USP34: variants seen among roughly 807,000 people sequenced by gnomAD.
The protein encoded by USP34 is ubiquitin carboxyl-terminal hydrolase 34.
A neutral mutation model predicts 460.3 loss-of-function variants in USP34; 70 were observed. That is an observed-to-expected ratio of 0.15 (90% confidence interval 0.13 to 0.19). USP34 has a LOEUF of 0.19. Ranked by LOEUF, USP34 falls within the 10% of genes least tolerant of loss-of-function variation. USP34 has a pLI of 1.00. For missense variants in USP34, 3,985 were observed against 4,236.2 expected (o/e 0.94, Z 1.65); for synonymous variants, 1,647 against 1,405.3 (o/e 1.17, Z -3.85).
At chr2:61,228,251 T>C (rs909394765) in intron 61 of USP34, among the ~76,000 whole-genome samples, 4 of 152,230 alleles carry the variant, frequency 2.6e-5, no homozygotes, top group African/African-American at 7.2e-5. Context: ...ACAAAACTGA[T>C]GTAATACTTT....
chr2:61,348,706 C>G, intron 14 of USP34, 50 bp downstream of exon 14: 3 of 1,577,960 alleles, frequency 1.9e-6, no homozygotes, highest in Non-Finnish European at 2.6e-6. Flanking sequence ...ATGATAAACA[C>G]GCCAGAAAGC....
intron 7 of USP34, 98 bp downstream of exon 7, chr2:61,380,071 C>T: frequency 1.0e-6 from 1 of 992,024 alleles, no homozygotes; most frequent in South Asian, 1.9e-5. Flanking sequence ...ATACTTAGCA[C>T]AATGCCTAGT....
intron 27 of USP34, among the ~76,000 whole-genome samples, chr2:61,306,105 CT>C (rs11448621): frequency 4.0e-5 from 6 of 151,890 alleles, no homozygotes; most frequent in Admixed American, 1.3e-4. Flanking sequence ...TCTATTTTGG[CT>C]TTGTTGCCAT....
At chr2:61,420,565 T>C (rs180838063) in intron 2 of USP34, among the ~76,000 whole-genome samples, 181 bp downstream of exon 2, 116 of 152,314 alleles carry the variant, frequency 7.6e-4, no homozygotes, top group African/African-American at 2.7e-3. Flanking sequence ...TTTATGCCCA[T>C]GTTTTAAAAA....
At chr2:61,401,611 C>T (rs1486312837) in intron 3 of USP34, among the ~76,000 whole-genome samples, 2 of 132,700 alleles carry the variant, frequency 1.5e-5, no homozygotes, top group African/African-American at 5.7e-5. Flanking sequence ...TGCAGTGGCA[C>T]GATCTCAGCT....
At position 61,189,079 on chromosome 2, in the gene USP34, C is replaced by T. The variant is rs1686539956; in HGVS notation, c.9874-10G>A. 1.9e-6 allele frequency: 3 copies of T among 1,607,160 alleles called. No homozygotes were observed. The Admixed American group carries it at 5.1e-5, about 28-fold the overall frequency. ...CGAGTGCCCTCAGGTCCTACAAAAA[C>T]CCAGATAGGAACATTTCAAATTCTA... On this transcript the variant is annotated splice_polypyrimidine_tract_variant and intron_variant, in intron 78 of 79. Coordinates refer to ENST00000398571, the MANE Select transcript of USP34 (RefSeq NM_014709.4).
chr2:61,264,979 T>A (rs1224309621), intron 43 of USP34, among the ~76,000 whole-genome samples: 3 of 152,212 alleles, frequency 2.0e-5, no homozygotes, highest in African/African-American at 7.2e-5. Flanking sequence ...TTGATTCACT[T>A]TGGGATAAAT....
chr2:61,378,313 A>G lies in USP34; in HGVS notation c.1076+50T>C, dbSNP rs752546824. ...AAAATTAGAATTTACCATATAAACA[A>G]CTGTACATTAAAATGGTATACTTAT... On this transcript the variant is annotated intron_variant, in intron 8 of 79. Transcript: ENST00000398571. The G allele has an allele frequency of 2.1e-5, 28 of 1,310,780 alleles. No homozygotes were observed. In the Admixed American group the frequency reaches 6.4e-4, roughly 30 times the overall value. 81.2% of individuals were successfully genotyped at this position (1,310,780 alleles called of 1,614,324 possible).
In USP34 at chr2:61,206,138, A is replaced by G. The variant is rs749978960; in HGVS notation, c.9047-14T>C. The G allele has an allele frequency of 1.2e-6, 2 of 1,606,526 alleles. No homozygotes were observed. The highest frequency in any genetic ancestry group is 2.7e-5 in the African/African-American group (2 of 74,880). On this transcript the variant is annotated splice_polypyrimidine_tract_variant and intron_variant, in intron 71 of 79. Transcript: ENST00000398571. ...CTTGTTTCACATCTGCAAATATAAA[A>G]GCACATATAAATATGCCATCTGAGA... is the stretch of plus-strand genomic sequence containing the variant.
chr2:61,210,489 G>C (rs145017562), intron 69 of USP34, among the ~76,000 whole-genome samples: 1 of 152,282 alleles, frequency 6.6e-6, no homozygotes, highest in East Asian at 1.9e-4. Context: ...CTAGTTGTGT[G>C]TGAGTAGTCA....
In USP34 at chr2:61,311,792, G is replaced by T; in HGVS notation, c.3661C>A (p.Pro1221Thr). The T allele has an allele frequency of 1.9e-6, 3 of 1,613,556 alleles. No homozygotes were observed. The highest frequency in any genetic ancestry group is 2.5e-6 in the Non-Finnish European group (3 of 1,179,840). ...LRVVCQPAGL[P>T]DKMTIEMYPS... ...TAAAACTATGTAAGTACCTTGTCAG[G>T]AAGTCCAGCTGGCTGGCATACAACC... is the stretch of plus-strand genomic sequence containing the variant. The change falls in exon 26 of 80, where the codon CCT (proline) becomes ACT (threonine). Residue 1221 changes from proline to threonine, a missense_variant. Coordinates refer to ENST00000398571, the MANE Select transcript of USP34 (RefSeq NM_014709.4).
chr2:61,257,822 C>T (rs1321740563), intron 44 of USP34, among the ~76,000 whole-genome samples: 1 of 152,112 alleles, frequency 6.6e-6, no homozygotes, highest in African/African-American at 2.4e-5. Context: ...TTGCAGTGAG[C>T]CGAGATCGTG....
At chr2:61,199,457 T>C (rs997272001) in intron 75 of USP34, among the ~76,000 whole-genome samples, 1 of 152,228 alleles carries the variant, frequency 6.6e-6, no homozygotes, top group African/African-American at 2.4e-5. Flanking sequence ...GGTTTTGCCA[T>C]GTAGGCTAGG....
intron 23 of USP34, 36 bp downstream of exon 23, chr2:61,317,618 A>G (rs758387838): frequency 6.5e-7 from 1 of 1,533,788 alleles, no homozygotes; most frequent in Admixed American, 1.8e-5. Flanking sequence ...AATTTGAGGA[A>G]TAAAGTTGCC....
chr2:61,260,083 C>CTTCA (rs138004088), intron 43 of USP34, among the ~76,000 whole-genome samples: 1,763 of 152,300 alleles, frequency 0.012, 28 homozygotes, highest in African/African-American at 0.041. Flanking sequence ...ATGAAAAACA[C>CTTCA]TTCAGGTGCA....
intron 10 of USP34, among the ~76,000 whole-genome samples, chr2:61,364,774 C>G (rs1218156382): frequency 6.6e-6 from 1 of 151,656 alleles, no homozygotes; most frequent in Admixed American, 6.6e-5. Flanking sequence ...ATTAAAAATA[C>G]AAAAATTAGA....
At chr2:61,367,310 GCACACACACACGCGCGCGCA>G (rs1474712093) in intron 10 of USP34, among the ~76,000 whole-genome samples, 1 of 150,840 alleles carries the variant, frequency 6.6e-6, no homozygotes, top group Non-Finnish European at 1.5e-5. Flanking sequence ...GAGTGCGCGC[GCACACACACACGCGCGCGCA>G]CACACACAAA....
chr2:61,308,838 T>G (rs1264202266), intron 27 of USP34, among the ~76,000 whole-genome samples: 1 of 152,100 alleles, frequency 6.6e-6, no homozygotes, highest in Admixed American at 6.6e-5. Context: ...CTCAAGAGTT[T>G]GAGATGAGCC....
rs772577287 is a variant in USP34 at position 61,295,076 on chromosome 2, G to T, written c.4378-44C>A. ...AAGTAAGGCAGAATGGCGGAAGAAA[G>T]AATTATTATAGAATGGAAAAGACAA... On this transcript the variant is annotated intron_variant, in intron 31 of 79. Coordinates refer to ENST00000398571, the MANE Select transcript of USP34 (RefSeq NM_014709.4). 1.2e-5 allele frequency: 20 copies of T among 1,602,004 alleles called. No homozygotes were observed. In the Admixed American group the frequency reaches 1.6e-4, roughly 13 times the overall value.
Sources: gnomAD v4.1 joint callset for allele counts (sites outside exome capture counted in the v4.1 genomes callset) on GRCh38, gnomAD v4.1.1 for gene constraint, MANE v1.5 for transcripts, NCBI Gene and HGNC (gene_info 2026-07-23, HGNC 2026-07-21) for gene names.